Variants in USP10 observed in about 807,000 individuals in gnomAD.
USP10 encodes the protein ubiquitin carboxyl-terminal hydrolase 10.
A neutral mutation model predicts 84.5 loss-of-function variants in USP10; 22 were observed. The observed-to-expected ratio is 0.26, with a 90% CI of 0.19 to 0.37. The LOEUF (loss-of-function observed/expected upper bound fraction) is 0.37, where lower values mean the gene tolerates loss of function less well. Ranked by LOEUF, USP10 falls within the 10% of genes least tolerant of loss-of-function variation. The pLI, the probability that USP10 is intolerant of heterozygous loss-of-function variation, is 1.00. For missense variants in USP10, 1,019 were observed against 998.9 expected (o/e 1.02, Z -0.27); for synonymous variants, 454 against 387.6 (o/e 1.17, Z -2.01).
rs1905853772 is a variant in USP10, at chr16:84,708,561, C to A, written c.21+8450C>A. On this transcript the variant is annotated intron_variant, in intron 1 of 13. Transcript: ENST00000219473. ...TTATTAGTTGGAGATTGGTAAGTCACCTGCCCTAGGGAATAATGAGAAACT... is the reference window on the plus strand; with the variant it reads ...TTATTAGTTGGAGATTGGTAAGTCAACTGCCCTAGGGAATAATGAGAAACT... Among the ~76,000 whole-genome samples the A allele has an allele frequency of 2.6e-5, 4 of 152,322 alleles. No homozygotes were observed. In the South Asian group the frequency reaches 8.3e-4, roughly 32 times the overall value.
Position 84,763,101 on chromosome 16 carries a change from C to A in USP10, c.1654+13C>A. 1.3e-6 allele frequency: 2 copies of A among 1,571,578 alleles called. No homozygotes were observed. Among genetic ancestry groups the A allele is most frequent in the Non-Finnish European group, 1.7e-6 (2 of 1,143,120 alleles). ...CCAAGTAATGAAAGTAGGTTATGGT[C>A]CACTTGCCGCAGAGTTGTGCAAGAG... On this transcript the variant is annotated intron_variant, in intron 9 of 13. Transcript: ENST00000219473.
chr16:84,717,039 G>A (rs529384499), intron 1 of USP10, among the ~76,000 whole-genome samples: 7 of 152,306 alleles, frequency 4.6e-5, no homozygotes, highest in East Asian at 3.9e-4. Context: ...TTAAAAGTCC[G>A]TTGAGAATCA....
intron 1 of USP10, among the ~76,000 whole-genome samples, chr16:84,702,354 C>A (rs961805749): frequency 6.6e-6 from 1 of 152,100 alleles, no homozygotes; most frequent in African/African-American, 2.4e-5. Context: ...ACTACTGCGC[C>A]TGGCCGATTT....
chr16:84,775,867 T>C (rs1406313661), intron 13 of USP10, among the ~76,000 whole-genome samples: 3 of 142,294 alleles, frequency 2.1e-5, no homozygotes, highest in African/African-American at 7.6e-5. Flanking sequence ...CTTTTATCCT[T>C]CTTTCTCTTT....
rs779297574 is a variant in USP10 at position 84,759,420 on chromosome 16, C to T, written c.1342C>T (p.Leu448=). Reference sequence around the variant, plus strand: ...GTACCACCTGATGAAGTTCATTCCTCTGTATTCCAAAGTGCAAAGGCCTTG... The same window carrying T: ...GTACCACCTGATGAAGTTCATTCCTTTGTATTCCAAAGTGCAAAGGCCTTG... The part of the protein sequence containing the change: ...PMYHLMKFIP[L]YSKVQRPCTS... The change falls in exon 6 of 14, where the codon CTG becomes TTG. Residue 448 remains leucine (L), a synonymous_variant. Transcript: ENST00000219473. The T allele has an allele frequency of 4.3e-6, 7 of 1,613,890 alleles. No individual in the cohort carries two copies. In the East Asian group the frequency reaches 1.3e-4, roughly 31 times the overall value.
intron 1 of USP10, among the ~76,000 whole-genome samples, chr16:84,729,750 A>G (rs970441379): frequency 4.6e-5 from 7 of 152,200 alleles, no homozygotes; most frequent in African/African-American, 1.7e-4. Context: ...ATTCACGTGT[A>G]TTTTGATGGA....
intron 13 of USP10, 44 bp from the exon 14 acceptor site, chr16:84,778,851 T>G: frequency 6.3e-7 from 1 of 1,575,844 alleles, no homozygotes; most frequent in South Asian, 1.2e-5. Context: ...ATGATTCGTG[T>G]GCAGTGCTGT....
chr16:84,777,423 C>G (rs1252217839), intron 13 of USP10, among the ~76,000 whole-genome samples: 1 of 152,204 alleles, frequency 6.6e-6, no homozygotes, highest in Admixed American at 6.5e-5. Context: ...GGACAGAAGT[C>G]TCAAAGTGAA....
At chr16:84,716,391 G>A (rs1348475647) in intron 1 of USP10, 1 of 152,178 alleles carries the variant, frequency 6.6e-6, no homozygotes, top group African/African-American at 2.4e-5. Context: ...GGCAAGGTTG[G>A]TTTCTCTGAA....
intron 1 of USP10, among the ~76,000 whole-genome samples, chr16:84,728,390 AG>A (rs1908786411): frequency 2.6e-5 from 4 of 150,976 alleles, no homozygotes; most frequent in African/African-American, 9.8e-5. Flanking sequence ...CCCAGGCTGG[AG>A]TTCAGTGGTG....
intron 1 of USP10, among the ~76,000 whole-genome samples, chr16:84,717,169 A>G (rs923029577): frequency 6.6e-6 from 1 of 152,144 alleles, no homozygotes; most frequent in African/African-American, 2.4e-5. Flanking sequence ...TTTGAGTAGC[A>G]GGTCGTATTG....
chr16:84,752,654 A>G (rs188083710), intron 4 of USP10, among the ~76,000 whole-genome samples: 8 of 152,348 alleles, frequency 5.3e-5, no homozygotes, highest in Admixed American at 1.3e-4. Flanking sequence ...CATGATAACA[A>G]TAGGATTCAT....
chr16:84,778,813 C>G, intron 13 of USP10, 82 bp from the exon 14 acceptor site: 1 of 1,392,298 alleles, frequency 7.2e-7, no homozygotes. Flanking sequence ...AGGATGCATC[C>G]CTGGAGGGAA....
intron 1 of USP10, among the ~76,000 whole-genome samples, chr16:84,720,534 A>G (rs1444642851): frequency 6.6e-6 from 1 of 150,798 alleles, no homozygotes; most frequent in East Asian, 2.0e-4. Context: ...AGTGGTGCAC[A>G]GTTAAATTGA....
chr16:84,711,818 C>A (rs993542162), intron 1 of USP10, among the ~76,000 whole-genome samples: 35 of 149,154 alleles, frequency 2.3e-4, no homozygotes, highest in Non-Finnish European at 3.8e-4. Flanking sequence ...CTCCGGGGCT[C>A]AAGTGATTCT....
intron 8 of USP10, 86 bp downstream of exon 8, chr16:84,760,361 C>T: frequency 8.4e-7 from 1 of 1,186,828 alleles, no homozygotes; most frequent in Non-Finnish European, 1.2e-6. Context: ...TTGATATTTG[C>T]CCTCTGTCTC....
chr16:84,776,288 G>C (rs929284578), intron 13 of USP10, among the ~76,000 whole-genome samples: 3 of 152,122 alleles, frequency 2.0e-5, no homozygotes, highest in African/African-American at 7.2e-5. Context: ...CAGGGATGGG[G>C]GCCCAGGGGT....
At chr16:84,735,804 G>T (rs905636661) in intron 2 of USP10, among the ~76,000 whole-genome samples, 1 of 152,050 alleles carries the variant, frequency 6.6e-6, no homozygotes, top group Admixed American at 6.5e-5. Context: ...GTTTGGAGGG[G>T]TATAAAAAGA....
At chr16:84,704,859 A>T (rs2150752117) in intron 1 of USP10, 1 of 1,535,734 alleles carries the variant, frequency 6.5e-7, no homozygotes, top group East Asian at 2.4e-5. Context: ...GGAATAGGGC[A>T]GGTAAGGTGT....
Sources: gnomAD v4.1 joint callset for allele counts (sites outside exome capture counted in the v4.1 genomes callset) on GRCh38, gnomAD v4.1.1 for gene constraint, MANE v1.5 for transcripts, NCBI Gene and HGNC (gene_info 2026-07-23, HGNC 2026-07-21) for gene names.